CNBD1: variants seen among roughly 807,000 people sequenced by gnomAD.
CNBD1 encodes cyclic nucleotide-binding domain-containing protein 1.
A neutral mutation model predicts 54.4 loss-of-function variants in CNBD1; 71 were observed. The observed-to-expected ratio is 1.30, with a 90% CI of 1.08 to 1.59. The LOEUF (loss-of-function observed/expected upper bound fraction) is 1.59. CNBD1 is among the 40% of genes most tolerant of loss of function. The pLI is 0.00. For synonymous variants in CNBD1, 182 were observed against 170.7 expected (o/e 1.07, Z -0.51); for missense variants, 659 against 518.0 (o/e 1.27, Z -2.64).
chr8:87,380,348 G>A (rs573371639), intron 10 of CNBD1, among the ~76,000 whole-genome samples: 3 of 151,770 alleles, frequency 2.0e-5, no homozygotes, highest in African/African-American at 4.8e-5. Flanking sequence ...ATTTATTTCT[G>A]TATTTTATAT....
intron 4 of CNBD1, among the ~76,000 whole-genome samples, chr8:87,035,712 T>C (rs76578659): frequency 0.012 from 1,880 of 152,274 alleles, 39 homozygotes; most frequent in African/African-American, 0.043. Flanking sequence ...GTGGCTTATA[T>C]AAAACAGAAC....
At chr8:87,351,604 A>C in intron 8 of CNBD1, 81 bp from the exon 9 acceptor site, 2 of 1,280,050 alleles carry the variant, frequency 1.6e-6, no homozygotes, top group African/African-American at 1.6e-5. Context: ...AATTAAATAC[A>C]TTAACTTTTG....
chr8:87,391,033 T>C (rs184949018), intron 2 of CNBD1, among the ~76,000 whole-genome samples: 5 of 151,760 alleles, frequency 3.3e-5, no homozygotes, highest in African/African-American at 7.3e-5. Context: ...TAGGTGGGAA[T>C]TGAACAAAGA....
chr8:87,096,158 A>G (rs1811315660), intron 4 of CNBD1, among the ~76,000 whole-genome samples: 1 of 152,186 alleles, frequency 6.6e-6, no homozygotes, highest in Non-Finnish European at 1.5e-5. Context: ...TTGGGCTGCC[A>G]CAACAAATAC....
intron 2 of CNBD1, among the ~76,000 whole-genome samples, chr8:87,409,852 A>G (rs563549291): frequency 6.6e-6 from 1 of 152,084 alleles, no homozygotes; most frequent in East Asian, 1.9e-4. Context: ...GTGAAACCCC[A>G]TCTCTACTAA....
chr8:87,121,180 C>G (rs1042738166), intron 4 of CNBD1, among the ~76,000 whole-genome samples: 3 of 151,510 alleles, frequency 2.0e-5, no homozygotes, highest in Non-Finnish European at 4.4e-5. Context: ...AGTTAAAAGA[C>G]CAAACTTGAA....
intron 10 of CNBD1, among the ~76,000 whole-genome samples, chr8:87,362,194 C>G (rs1239679392): frequency 1.3e-5 from 2 of 152,060 alleles, no homozygotes; most frequent in African/African-American, 2.4e-5. Context: ...TGAGGAGTCT[C>G]CATACATCAT....
chr8:87,342,854 A>G (rs542376324), intron 8 of CNBD1, among the ~76,000 whole-genome samples: 2 of 152,292 alleles, frequency 1.3e-5, no homozygotes, highest in Admixed American at 1.3e-4. Context: ...CTGTGCACGC[A>G]TTGTCTTGAT....
At chr8:87,063,640 A>T (rs1029183273) in intron 4 of CNBD1, among the ~76,000 whole-genome samples, 1 of 152,052 alleles carries the variant, frequency 6.6e-6, no homozygotes, top group Non-Finnish European at 1.5e-5. Flanking sequence ...GAATAAGATG[A>T]TTTTGAGGGG....
intron 2 of CNBD1, among the ~76,000 whole-genome samples, chr8:86,891,959 T>G (rs914261208): frequency 6.6e-6 from 1 of 151,992 alleles, no homozygotes; most frequent in African/African-American, 2.4e-5. Flanking sequence ...TAGCTTTTGG[T>G]GGAGTCTCTA....
At chr8:87,322,395 G>A (rs1249320665) in intron 8 of CNBD1, among the ~76,000 whole-genome samples, 3 of 119,156 alleles carry the variant, frequency 2.5e-5, no homozygotes, top group East Asian at 4.2e-4. Flanking sequence ...TTCCACAATG[G>A]TTGAACTAGT....
intron 4 of CNBD1, among the ~76,000 whole-genome samples, chr8:87,028,917 G>C (rs1434750770): frequency 6.6e-6 from 1 of 152,170 alleles, no homozygotes; most frequent in East Asian, 1.9e-4. Context: ...AGGTGTACAA[G>C]GCTTCCCTTT....
intron 4 of CNBD1, among the ~76,000 whole-genome samples, chr8:87,149,289 C>A (rs1812552457): frequency 1.3e-5 from 2 of 152,128 alleles, no homozygotes; most frequent in African/African-American, 4.8e-5. Context: ...AGATGGGCCT[C>A]CCCTGGATTG....
At chr8:87,074,601 G>T (rs1810829112) in intron 4 of CNBD1, among the ~76,000 whole-genome samples, 1 of 152,174 alleles carries the variant, frequency 6.6e-6, no homozygotes. Flanking sequence ...TATATGGGTT[G>T]CAAAGATCGG....
chr8:86,927,370 T>C lies in CNBD1; in HGVS notation c.273-12226T>C, dbSNP rs138697055. Among the ~76,000 whole-genome samples, 69 of 152,216 alleles carry C rather than the reference T, an allele frequency of 4.5e-4. No individual in the cohort carries two copies. The East Asian group carries it at 0.013, about 29-fold the overall frequency. Reference sequence around the variant, plus strand: ...TGAATGGTCATGCAGGGAGTATGCTTGCCATTACAAAACCCAGACTGTTTG... The same window carrying C: ...TGAATGGTCATGCAGGGAGTATGCTCGCCATTACAAAACCCAGACTGTTTG... On this transcript the variant is annotated intron_variant, in intron 3 of 10. Transcript: ENST00000518476.
intron 3 of CNBD1, among the ~76,000 whole-genome samples, chr8:86,931,299 C>A (rs899959506): frequency 1.3e-5 from 2 of 152,116 alleles, no homozygotes; most frequent in African/African-American, 4.8e-5. Flanking sequence ...TTACCTGGGG[C>A]TCAGTGAGGG....
chr8:87,389,572 C>G (rs1811265185), intron 2 of CNBD1, among the ~76,000 whole-genome samples: 1 of 152,076 alleles, frequency 6.6e-6, no homozygotes, highest in African/African-American at 2.4e-5. Flanking sequence ...TCAAGGAGAA[C>G]TACAAACCAC....
chr8:87,120,114 C>T (rs964271890), intron 4 of CNBD1, among the ~76,000 whole-genome samples: 2 of 151,990 alleles, frequency 1.3e-5, no homozygotes, highest in Admixed American at 6.6e-5. Context: ...GGAAAATTAC[C>T]TCCTTTTTGA....
intron 6 of CNBD1, among the ~76,000 whole-genome samples, chr8:87,256,023 T>A (rs868208451): frequency 0.01 from 561 of 55,834 alleles, no homozygotes; most frequent in Non-Finnish European, 0.015. Flanking sequence ...ATATTTTTTT[T>A]TTTTTTTTTT....
Sources: allele counts gnomAD v4.1 joint callset (sites outside exome capture counted in the v4.1 genomes callset), GRCh38; gene constraint gnomAD v4.1.1; transcripts MANE v1.5; gene names NCBI Gene and HGNC (gene_info 2026-07-23, HGNC 2026-07-21).